TMCC1: variants seen among roughly 807,000 people sequenced by gnomAD.
TMCC1 encodes the protein transmembrane and coiled-coil domains protein 1.
TMCC1 carries 15 observed loss-of-function variants against 52.4 expected under a neutral mutation model. The observed-to-expected ratio is 0.29, with a 90% CI of 0.19 to 0.44. The LOEUF is 0.44. Ranked by LOEUF, TMCC1 falls within the 20% of genes least tolerant of loss-of-function variation. The pLI is 1.00. For missense variants in TMCC1, 503 were observed against 806.0 expected (o/e 0.62, Z 4.55); for synonymous variants, 279 against 301.9 (o/e 0.92, Z 0.79).
chr3:129,676,626 GAA>G lies in TMCC1; in HGVS notation c.577-5364_577-5363del, dbSNP rs1264904394. Among the ~76,000 whole-genome samples, 69 of 152,286 alleles carry G rather than the reference GAA, an allele frequency of 4.5e-4. 1 individual carries two copies. The highest frequency in any genetic ancestry group is 4.5e-3 in the Admixed American group (69 of 15,304). On this transcript the variant is annotated intron_variant, in intron 4 of 6. Transcript: ENST00000393238. ...CTCTGTCTACTTTCTCTAAGTAGATGAAAGTGTCAGAACACAATAGCACCCAG... is the reference window on the plus strand; with the variant it reads ...CTCTGTCTACTTTCTCTAAGTAGATGAGTGTCAGAACACAATAGCACCCAG...
chr3:129,850,879 G>A (rs1023696340), intron 2 of TMCC1, among the ~76,000 whole-genome samples: 12 of 152,258 alleles, frequency 7.9e-5, no homozygotes, highest in African/African-American at 2.9e-4. Flanking sequence ...ATCTGCAGCA[G>A]GAGCATGTCC....
chr3:129,661,548 G>T (rs2087027588), intron 5 of TMCC1, among the ~76,000 whole-genome samples: 1 of 152,172 alleles, frequency 6.6e-6, no homozygotes, highest in South Asian at 2.1e-4. Flanking sequence ...TTAGATTATT[G>T]TCTTTTTAAA....
intron 4 of TMCC1, among the ~76,000 whole-genome samples, chr3:129,782,677 G>T (rs1324696416): frequency 6.6e-6 from 1 of 152,142 alleles, no homozygotes; most frequent in African/African-American, 2.4e-5. Flanking sequence ...GAGTAGAAGG[G>T]GTTGGAGGAA....
At chr3:129,792,174 G>GTATA (rs142873988) in intron 4 of TMCC1, among the ~76,000 whole-genome samples, 76 of 146,864 alleles carry the variant, frequency 5.2e-4, no homozygotes, top group East Asian at 1.8e-3. Context: ...CTGTTCAACT[G>GTATA]TATATATATA....
At chr3:129,690,699 G>C (rs1217907021) in intron 4 of TMCC1, among the ~76,000 whole-genome samples, 1 of 152,128 alleles carries the variant, frequency 6.6e-6, no homozygotes, top group East Asian at 1.9e-4. Context: ...TTGAGACATG[G>C]TGCCATGGAT....
intron 4 of TMCC1, among the ~76,000 whole-genome samples, chr3:129,673,854 A>G (rs1376662037): frequency 6.6e-6 from 1 of 152,204 alleles, no homozygotes; most frequent in Non-Finnish European, 1.5e-5. Context: ...TCTCTACACT[A>G]AACTTTCAAC....
chr3:129,832,363 A>T (rs1482099231), intron 3 of TMCC1, among the ~76,000 whole-genome samples: 1 of 152,170 alleles, frequency 6.6e-6, no homozygotes, highest in African/African-American at 2.4e-5. Flanking sequence ...CGAAGGAGTG[A>T]AAGGGGAGAG....
At chr3:129,761,841 A>C (rs1001275862) in intron 4 of TMCC1, among the ~76,000 whole-genome samples, 1 of 151,928 alleles carries the variant, frequency 6.6e-6, no homozygotes, top group Non-Finnish European at 1.5e-5. Context: ...AAATACAAAA[A>C]TTAGCTAGGC....
rs149958754 is a variant in TMCC1, at chr3:129,704,499, A to G, written c.577-33235T>C. Among the ~76,000 whole-genome samples the G allele has an allele frequency of 8.2e-3, 1,251 of 152,160 alleles. 10 individuals carry two copies. Among genetic ancestry groups the G allele is most frequent in the Middle Eastern group, 0.024 (7 of 294 alleles). On this transcript the variant is annotated intron_variant, in intron 4 of 6. Coordinates refer to ENST00000393238, the MANE Select transcript of TMCC1 (RefSeq NM_001017395.5). ...AGTGGTGTAATCTCAGCTCACTGCAACCTCCGCCTCCCAGGTTCAAGTGAT... is the reference window on the plus strand; with the variant it reads ...AGTGGTGTAATCTCAGCTCACTGCAGCCTCCGCCTCCCAGGTTCAAGTGAT...
chr3:129,758,858 C>A (rs2107671059), intron 4 of TMCC1, among the ~76,000 whole-genome samples: 1 of 152,322 alleles, frequency 6.6e-6, no homozygotes, highest in Middle Eastern at 3.4e-3. Flanking sequence ...TGGCAACCAC[C>A]ATTCTACTTT....
At chr3:129,696,036 C>T (rs887243926) in intron 4 of TMCC1, among the ~76,000 whole-genome samples, 7 of 152,170 alleles carry the variant, frequency 4.6e-5, no homozygotes, top group African/African-American at 7.2e-5. Flanking sequence ...CAAGGCCATG[C>T]TTTGTAGGGG....
At chr3:129,771,941 A>T (rs1359920657) in intron 4 of TMCC1, among the ~76,000 whole-genome samples, 1 of 152,188 alleles carries the variant, frequency 6.6e-6, no homozygotes, top group Non-Finnish European at 1.5e-5. Context: ...CATTAGTGGC[A>T]ATGGAAACAG....
intron 5 of TMCC1, among the ~76,000 whole-genome samples, chr3:129,655,962 A>G (rs1221790004): frequency 6.6e-6 from 1 of 152,232 alleles, no homozygotes; most frequent in African/African-American, 2.4e-5. Flanking sequence ...GAAATGGATG[A>G]TAAATGTACA....
chr3:129,768,480 T>C lies in TMCC1; in HGVS notation c.576+59323A>G, dbSNP rs866054364. On this transcript the variant is annotated intron_variant, in intron 4 of 6. Coordinates refer to ENST00000393238, the MANE Select transcript of TMCC1 (RefSeq NM_001017395.5). ...CAACTAGATCTAAGGTATCCTGTTT[T>C]CATTTATTGTAAGTCCCACTGATTA... Among the ~76,000 whole-genome samples the C allele has an allele frequency of 2.2e-4, 33 of 152,332 alleles. 1 individual carries two copies. Among genetic ancestry groups the C allele is most frequent in the Non-Finnish European group, 1.5e-5 (1 of 68,032 alleles).
chr3:129,665,738 A>G (rs959059742), intron 5 of TMCC1, among the ~76,000 whole-genome samples: 2 of 152,222 alleles, frequency 1.3e-5, no homozygotes, highest in Admixed American at 6.5e-5. Context: ...TTGAAGTCAG[A>G]CAAAACTGGG....
intron 4 of TMCC1, among the ~76,000 whole-genome samples, chr3:129,760,990 A>G (rs1171751145): frequency 2.0e-5 from 3 of 151,988 alleles, no homozygotes; most frequent in Non-Finnish European, 4.4e-5. Flanking sequence ...ATGCATGCAC[A>G]CGCATCCATG....
At chr3:129,853,559 G>T (rs2060009338) in intron 2 of TMCC1, among the ~76,000 whole-genome samples, 1 of 149,554 alleles carries the variant, frequency 6.7e-6, no homozygotes, top group African/African-American at 2.5e-5. Flanking sequence ...AGCCCAGGAG[G>T]TCTAGGCTGC....
At chr3:129,807,282 T>C (rs1418643979) in intron 4 of TMCC1, among the ~76,000 whole-genome samples, 1 of 152,228 alleles carries the variant, frequency 6.6e-6, no homozygotes, top group Non-Finnish European at 1.5e-5. Context: ...TATGGCTGGT[T>C]CACAGGTAGT....
chr3:129,674,945 A>T (rs2088276450), intron 4 of TMCC1, among the ~76,000 whole-genome samples: 1 of 152,076 alleles, frequency 6.6e-6, no homozygotes, highest in South Asian at 2.1e-4. Context: ...GCTTCAAGCG[A>T]TTCTCCTGCC....
Sources: allele counts gnomAD v4.1 joint callset (sites outside exome capture counted in the v4.1 genomes callset), GRCh38; gene constraint gnomAD v4.1.1; transcripts MANE v1.5; gene names NCBI Gene and HGNC (gene_info 2026-07-23, HGNC 2026-07-21).